The following TIAM1 variants were observed in gnomAD, a reference collection of about 807,000 sequenced individuals.
TIAM1 encodes the protein TIAM Rac1 associated GEF 1.
Under a neutral mutation model 163.5 loss-of-function variants are expected in TIAM1, and 65 were observed. That is an observed-to-expected ratio of 0.40 (90% CI 0.33 to 0.49). TIAM1 has a LOEUF of 0.49. Ranked by LOEUF, TIAM1 falls within the 20% of genes least tolerant of loss-of-function variation. The probability of loss-of-function intolerance (pLI) is 0.77; values close to 1 mark genes in which losing one functional copy is unlikely to be tolerated. For missense variants in TIAM1, 1,789 were observed against 2,044.7 expected, an observed-to-expected ratio of 0.87 and a Z score of 2.41; for synonymous variants, 833 against 810.1, an observed-to-expected ratio of 1.03 and a Z score of -0.48.
intron 2 of TIAM1, among the ~76,000 whole-genome samples, chr21:31,409,487 CCCA>C (rs996365866): frequency 6.6e-6 from 1 of 152,192 alleles, no homozygotes; most frequent in African/African-American, 2.4e-5. Context: ...CCTCCTGCTC[CCCA>C]CATCTCTCTA....
chr21:31,231,854 A>G (rs2088457451), intron 6 of TIAM1, among the ~76,000 whole-genome samples: 1 of 152,074 alleles, frequency 6.6e-6, no homozygotes, highest in African/African-American at 2.4e-5. Context: ...CTCTACTAAC[A>G]ATACAAAAAT....
At chr21:31,249,180 G>A (rs753032631) in intron 5 of TIAM1, among the ~76,000 whole-genome samples, 18 of 152,096 alleles carry the variant, frequency 1.2e-4, no homozygotes, top group Non-Finnish European at 2.5e-4. Context: ...GATAATATGA[G>A]GTCACGTGGG....
intron 27 of TIAM1, among the ~76,000 whole-genome samples, chr21:31,123,484 T>C (rs1685202763): frequency 6.6e-6 from 1 of 152,194 alleles, no homozygotes; most frequent in African/African-American, 2.4e-5. Context: ...TCAACAAACA[T>C]TTATCAATTG....
chr21:31,202,951 A>T lies in TIAM1; in HGVS notation c.2450T>A (p.Met817Lys). The T allele has an allele frequency of 6.2e-7, 1 of 1,614,178 alleles. No individual in the cohort carries two copies. The change falls in exon 12 of 28, where the codon ATG becomes AAG. Residue 817 changes from methionine (M) to lysine (K), a missense_variant. Physicochemically the swap from Met to Lys is moderately conservative, Grantham distance 95. This residue lies in a region of TIAM1 where 456 missense variants were observed against 586.6 expected (regional missense o/e 0.78). Transcript: ENST00000541036. ...CTCGGGCTGTGGAACATAGAGCTGC[A>T]TTTTGTTTTCTATTAGAAATTTCAG... is the stretch of plus-strand genomic sequence containing the variant. ...LRLKFLIENKMQLYVPQPEED... is the reference protein window; with the variant it reads ...LRLKFLIENKKQLYVPQPEED...
chr21:31,206,783 T>C (rs571120028), intron 11 of TIAM1, among the ~76,000 whole-genome samples: 1 of 152,144 alleles, frequency 6.6e-6, no homozygotes, highest in South Asian at 2.1e-4. Flanking sequence ...ATAACATGTC[T>C]CAGAATTTAC....
intron 23 of TIAM1, among the ~76,000 whole-genome samples, chr21:31,134,066 C>A (rs1329604539): frequency 6.6e-6 from 1 of 152,084 alleles, no homozygotes; most frequent in Non-Finnish European, 1.5e-5. Context: ...GACTCCATCC[C>A]CCCAGAAAAA....
At position 31,369,756 on chromosome 21, in the gene TIAM1, G is replaced by A. The variant is rs546648104; in HGVS notation, c.-368-30334C>T. On this transcript the variant is annotated intron_variant, in intron 2 of 28. Coordinates refer to the TIAM1 transcript ENST00000286827. Reference sequence around the variant, plus strand: ...AAAGAAGAAGAAGGGTTAGGAGGCTGAGGCGGGTGGATCACAAGGTCAGGA... The same window carrying A: ...AAAGAAGAAGAAGGGTTAGGAGGCTAAGGCGGGTGGATCACAAGGTCAGGA... Among the ~76,000 whole-genome samples, 28 of 152,302 alleles carry A rather than the reference G, an allele frequency of 1.8e-4. 1 individual carries two copies. Among genetic ancestry groups the A allele is most frequent in the South Asian group, 6.2e-4 (3 of 4,824 alleles).
chr21:31,265,994 A>T lies in TIAM1; in HGVS notation c.963+16T>A, dbSNP rs1322612794. The T allele has an allele frequency of 8.7e-6, 14 of 1,607,682 alleles. No individual in the cohort carries two copies. Among genetic ancestry groups the T allele is most frequent in the African/African-American group, 2.7e-5 (2 of 74,638 alleles). ...CACCATTCCCAAAATATTGAAACAA[A>T]TTTCAATCACTTTACCTGAGTTGTT... is the stretch of plus-strand genomic sequence containing the variant. On this transcript the variant is annotated intron_variant, in intron 4 of 27. Coordinates refer to ENST00000541036, the MANE Select transcript of TIAM1 (RefSeq NM_001353694.2).
chr21:31,205,963 T>C (rs1366374280), intron 11 of TIAM1, among the ~76,000 whole-genome samples: 1 of 151,940 alleles, frequency 6.6e-6, no homozygotes, highest in Non-Finnish European at 1.5e-5. Context: ...TGAGACCCTG[T>C]CTCAAAAAAA....
intron 15 of TIAM1, among the ~76,000 whole-genome samples, chr21:31,178,951 A>G (rs918515988): frequency 2.7e-5 from 4 of 150,348 alleles, no homozygotes; most frequent in South Asian, 2.1e-4. Flanking sequence ...GGGTTTCTCC[A>G]TGTTGGTCAG....
upstream of TIAM1, among the ~76,000 whole-genome samples, chr21:31,344,680 A>G (rs142147795): frequency 2.3e-3 from 349 of 152,350 alleles, no homozygotes; most frequent in Middle Eastern, 0.017. Context: ...AAAAGGAGTG[A>G]AGGGCAGAAA....
chr21:31,334,262 GTTTC>G (rs1203151618), intron 2 of TIAM1, among the ~76,000 whole-genome samples: 1 of 146,990 alleles, frequency 6.8e-6, no homozygotes, highest in Non-Finnish European at 1.5e-5. Context: ...CCTGGGTGCT[GTTTC>G]TTTATTATCC....
At chr21:31,180,476 A>AGGT (rs1228643959) in intron 15 of TIAM1, among the ~76,000 whole-genome samples, 1 of 152,002 alleles carries the variant, frequency 6.6e-6, no homozygotes, top group Non-Finnish European at 1.5e-5. Flanking sequence ...TTACAAAAAC[A>AGGT]GGTGGTGGGC....
intron 12 of TIAM1, among the ~76,000 whole-genome samples, chr21:31,200,896 C>G (rs186483857): frequency 2.6e-5 from 4 of 151,510 alleles, no homozygotes. Context: ...TGGAGACCTT[C>G]TGCAACAGGC....
At chr21:31,391,451 C>T (rs1367952441) in intron 2 of TIAM1, among the ~76,000 whole-genome samples, 1 of 152,038 alleles carries the variant, frequency 6.6e-6, no homozygotes, top group Admixed American at 6.6e-5. Flanking sequence ...ACGGCAAAAC[C>T]CCGGCTCTAC....
chr21:31,152,823 T>C (rs1415323747), intron 18 of TIAM1, 62 bp from the exon 19 acceptor site: 1 of 1,569,250 alleles, frequency 6.4e-7, no homozygotes, highest in Non-Finnish European at 8.6e-7. Flanking sequence ...ACGTTATTTA[T>C]ATCTGATTAC....
At chr21:31,510,416 G>GTCC (rs1470902584) in intron 1 of TIAM1, among the ~76,000 whole-genome samples, 1 of 152,204 alleles carries the variant, frequency 6.6e-6, no homozygotes, top group Non-Finnish European at 1.5e-5. Flanking sequence ...CTCTTTAGAA[G>GTCC]TCCTGTCTCC....
chr21:31,227,755 A>G (rs1267723355), intron 6 of TIAM1, among the ~76,000 whole-genome samples: 1 of 152,180 alleles, frequency 6.6e-6, no homozygotes, highest in Admixed American at 6.5e-5. Flanking sequence ...TTGTCCTTAC[A>G]TATCATCCTG....
At chr21:31,505,289 T>C (rs768756994) in intron 1 of TIAM1, among the ~76,000 whole-genome samples, 1 of 152,128 alleles carries the variant, frequency 6.6e-6, no homozygotes, top group African/African-American at 2.4e-5. Context: ...AAAGCTTAGC[T>C]CTCTACAGGA....
Sources: gnomAD v4.1 joint callset for allele counts (sites outside exome capture counted in the v4.1 genomes callset) on GRCh38, gnomAD v4.1.1 for gene constraint, gnomAD v4.1.1 regional missense constraint, MANE v1.5 for transcripts, NCBI Gene and HGNC (gene_info 2026-07-23, HGNC 2026-07-21) for gene names.